The following SCAPER variants were observed in gnomAD, a reference collection of about 807,000 sequenced individuals.
The protein encoded by SCAPER is S-phase cyclin A associated protein in the ER.
In SCAPER, 98 loss-of-function variants were observed where a neutral mutation model predicts 182.2. The ratio of observed to expected loss-of-function variants is 0.54; its 90% CI spans 0.46 to 0.64. The LOEUF (loss-of-function observed/expected upper bound fraction) is 0.64. Among genes scored for constraint, SCAPER ranks in the 30% least tolerant of loss-of-function variants. The probability of loss-of-function intolerance (pLI) is 0.00; values close to 1 mark genes in which losing one functional copy is unlikely to be tolerated. For synonymous variants in SCAPER, 605 were observed against 564.6 expected (o/e 1.07, Z -1.01); for missense variants, 1,432 against 1,690.0 (o/e 0.85, Z 2.68).
intron 22 of SCAPER, among the ~76,000 whole-genome samples, chr15:76,577,801 T>C (rs1223461852): frequency 6.6e-6 from 1 of 151,820 alleles, no homozygotes; most frequent in East Asian, 1.9e-4. Context: ...GGGGAGAGAC[T>C]CCTTCTGCTT....
At chr15:76,839,092 T>C (rs2151759654) in intron 5 of SCAPER, among the ~76,000 whole-genome samples, 1 of 152,268 alleles carries the variant, frequency 6.6e-6, no homozygotes, top group East Asian at 1.9e-4. Context: ...GGCACAATCT[T>C]CAAACTCAAA....
chr15:76,584,943 A>C (rs2048527237), intron 22 of SCAPER, among the ~76,000 whole-genome samples: 1 of 152,216 alleles, frequency 6.6e-6, no homozygotes, highest in Admixed American at 6.5e-5. Context: ...AAAATTTTTC[A>C]AAGAATACAA....
chr15:76,720,559 T>C (rs1388785375), intron 17 of SCAPER, among the ~76,000 whole-genome samples: 6 of 152,144 alleles, frequency 3.9e-5, no homozygotes, highest in African/African-American at 1.4e-4. Flanking sequence ...TGTAAAAGTG[T>C]TCCTATTTCT....
intron 26 of SCAPER, among the ~76,000 whole-genome samples, chr15:76,428,985 G>A (rs2046663632): frequency 6.7e-6 from 1 of 150,114 alleles, no homozygotes; most frequent in Non-Finnish European, 1.5e-5. Flanking sequence ...CCCATGTATT[G>A]AGGGAGGGAC....
intron 5 of SCAPER, among the ~76,000 whole-genome samples, chr15:76,831,397 C>A (rs1405426896): frequency 6.6e-6 from 1 of 152,066 alleles, no homozygotes; most frequent in African/African-American, 2.4e-5. Flanking sequence ...CCCCACCCTC[C>A]CATAGGAGTG....
At chr15:76,584,788 G>C (rs569582381) in intron 22 of SCAPER, among the ~76,000 whole-genome samples, 1 of 152,272 alleles carries the variant, frequency 6.6e-6, no homozygotes, top group East Asian at 1.9e-4. Context: ...CTGGGCTCAA[G>C]TGATCCTCCT....
intron 20 of SCAPER, among the ~76,000 whole-genome samples, chr15:76,675,765 T>G (rs1348572524): frequency 6.6e-6 from 1 of 152,128 alleles, no homozygotes; most frequent in African/African-American, 2.4e-5. Flanking sequence ...TGAACGCTTC[T>G]GTATTTGGGC....
rs372702603 is a variant in SCAPER, at chr15:76,679,763, A to G, written c.2509-13974T>C. Among the ~76,000 whole-genome samples, 20 of 152,214 alleles carry G rather than the reference A, an allele frequency of 1.3e-4. 1 individual carries two copies. Among genetic ancestry groups the G allele is most frequent in the Admixed American group, 9.2e-4 (14 of 15,280 alleles). ...ACAAATACTCCATCAGTTTTCTGGT[A>G]GGTGGCAATGATGAATGAGGTAAAC... is the stretch of plus-strand genomic sequence containing the variant. On this transcript the variant is annotated intron_variant, in intron 20 of 31. Coordinates refer to ENST00000563290, the MANE Select transcript of SCAPER (RefSeq NM_020843.4).
chr15:76,596,315 A>C lies in SCAPER; in HGVS notation c.2712-22031T>G, dbSNP rs2049489802. 2.2e-5 allele frequency among the ~76,000 whole-genome samples: 2 copies of C among 91,134 alleles called. 1 individual carries two copies. Among genetic ancestry groups the C allele is most frequent in the Non-Finnish European group, 5.3e-5 (2 of 37,410 alleles). The allele number at this position is 91,134 out of a possible 152,430, so 59.8% of individuals were successfully genotyped here. A position where few individuals can be genotyped will look rare whatever the true frequency, so the allele number is the denominator to read the frequency against. On this transcript the variant is annotated intron_variant, in intron 22 of 31. Transcript: ENST00000563290. ...TTCTGAAATTGAGGCAGTAATTAAT[A>C]GCCTACCAACCAAAAAAAAAAAAAA...
At chr15:76,623,318 C>A (rs2052270075) in intron 21 of SCAPER, among the ~76,000 whole-genome samples, 1 of 152,152 alleles carries the variant, frequency 6.6e-6, no homozygotes, top group Admixed American at 6.5e-5. Context: ...AATTCATTGC[C>A]AAGGCCATTG....
chr15:76,460,227 T>C (rs2049057710), intron 25 of SCAPER, among the ~76,000 whole-genome samples: 1 of 152,182 alleles, frequency 6.6e-6, no homozygotes. Flanking sequence ...TCCTCGGTCC[T>C]CATCAGTTTC....
chr15:76,439,434 C>A (rs377724763), intron 25 of SCAPER, among the ~76,000 whole-genome samples: 12 of 152,234 alleles, frequency 7.9e-5, no homozygotes, highest in East Asian at 5.8e-4. Context: ...AAGCAGTATA[C>A]TGCACTGCTG....
chr15:76,428,914 T>C (rs1371375250), intron 26 of SCAPER, among the ~76,000 whole-genome samples: 1 of 92,046 alleles, frequency 1.1e-5, no homozygotes, highest in African/African-American at 4.5e-5. Context: ...ATGTACTCAG[T>C]AAGTTTGTAT....
intron 20 of SCAPER, among the ~76,000 whole-genome samples, chr15:76,682,429 A>G (rs1042130824): frequency 2.0e-5 from 3 of 152,042 alleles, no homozygotes; most frequent in Admixed American, 1.3e-4. Context: ...CATGCCCATC[A>G]ACACCCTGCC....
chr15:76,426,180 C>T (rs284893), intron 26 of SCAPER, among the ~76,000 whole-genome samples: 15,939 of 152,196 alleles, frequency 0.1, 1,012 homozygotes, highest in African/African-American at 0.18. Context: ...GTTTCTGTTG[C>T]CTTTTGTTTG....
intron 26 of SCAPER, among the ~76,000 whole-genome samples, chr15:76,406,165 A>G (rs1241378786): frequency 1.3e-5 from 2 of 152,024 alleles, no homozygotes; most frequent in Non-Finnish European, 2.9e-5. Context: ...ATTTGCACAG[A>G]ACTCTTCAAT....
chr15:76,525,830 G>A (rs1162454857), intron 23 of SCAPER, among the ~76,000 whole-genome samples: 1 of 152,156 alleles, frequency 6.6e-6, no homozygotes, highest in East Asian at 1.9e-4. Context: ...AAGAGTACAT[G>A]TGTCTTTTTG....
At chr15:76,826,176 T>G (rs1408139673) in intron 5 of SCAPER, among the ~76,000 whole-genome samples, 2 of 151,984 alleles carry the variant, frequency 1.3e-5, no homozygotes, top group Admixed American at 6.6e-5. Context: ...TGTCCAACAA[T>G]GATAGACTGG....
chr15:76,777,530 A>G (rs773833939), intron 8 of SCAPER, among the ~76,000 whole-genome samples: 1 of 91,890 alleles, frequency 1.1e-5, no homozygotes, highest in Non-Finnish European at 2.4e-5. Context: ...CCCCATCTCT[A>G]CTAAATACAA....
Sources: allele counts gnomAD v4.1 joint callset (sites outside exome capture counted in the v4.1 genomes callset), GRCh38; gene constraint gnomAD v4.1.1; transcripts MANE v1.5; gene names NCBI Gene and HGNC (gene_info 2026-07-23, HGNC 2026-07-21).